CCSER1: variants seen among roughly 807,000 people sequenced by gnomAD.
The protein encoded by CCSER1 is serine-rich coiled-coil domain-containing protein 1.
In CCSER1, 41 loss-of-function variants were observed where a neutral mutation model predicts 82.0. That is an observed-to-expected ratio of 0.50 (90% CI 0.39 to 0.65). CCSER1 has a LOEUF of 0.65. Among genes scored for constraint, CCSER1 ranks in the 30% least tolerant of loss-of-function variants. The probability of loss-of-function intolerance (pLI) is 0.00; values close to 1 mark genes in which losing one functional copy is unlikely to be tolerated. For missense variants in CCSER1, 1,119 were observed against 1,064.2 expected, an observed-to-expected ratio of 1.05 and a Z score of -0.72; for synonymous variants, 414 against 383.9, an observed-to-expected ratio of 1.08 and a Z score of -0.92.
intron 10 of CCSER1, among the ~76,000 whole-genome samples, chr4:91,586,675 G>A (rs1764011990): frequency 6.6e-6 from 1 of 151,732 alleles, no homozygotes; most frequent in African/African-American, 2.4e-5. Context: ...TAGGGGTGAT[G>A]GTGAGAAACT....
chr4:90,605,751 T>C (rs1471520309), intron 5 of CCSER1, among the ~76,000 whole-genome samples: 1 of 151,884 alleles, frequency 6.6e-6, no homozygotes, highest in Non-Finnish European at 1.5e-5. Context: ...TTTTTTATAA[T>C]TTTTTTTGAC....
chr4:90,345,803 T>C (rs1742216142), intron 3 of CCSER1, among the ~76,000 whole-genome samples: 1 of 152,094 alleles, frequency 6.6e-6, no homozygotes, highest in Non-Finnish European at 1.5e-5. Context: ...CTAAACCATA[T>C]TTTAGAGTAA....
At chr4:90,499,086 A>G (rs1769444183) in intron 5 of CCSER1, among the ~76,000 whole-genome samples, 2 of 151,856 alleles carry the variant, frequency 1.3e-5, no homozygotes, top group African/African-American at 4.8e-5. Context: ...GTTATGAAAT[A>G]TATATGTGTG....
chr4:90,478,784 A>G (rs1479121373), intron 5 of CCSER1, among the ~76,000 whole-genome samples: 2 of 144,868 alleles, frequency 1.4e-5, no homozygotes, highest in African/African-American at 2.6e-5. Flanking sequence ...TGTGTTGCCC[A>G]GGCTGGAGTT....
At chr4:91,305,168 A>G (rs1744957074) in intron 10 of CCSER1, among the ~76,000 whole-genome samples, 1 of 152,072 alleles carries the variant, frequency 6.6e-6, no homozygotes, top group South Asian at 2.1e-4. Context: ...TTTTCAAGTT[A>G]TTAGATTGTT....
chr4:91,326,532 C>T (rs910971129), intron 10 of CCSER1, among the ~76,000 whole-genome samples: 8 of 152,246 alleles, frequency 5.3e-5, no homozygotes, highest in East Asian at 1.9e-4. Flanking sequence ...ATGTGATTTG[C>T]GTGGGAACAC....
chr4:90,570,344 A>G (rs1417572507), intron 5 of CCSER1, among the ~76,000 whole-genome samples: 2 of 151,876 alleles, frequency 1.3e-5, no homozygotes, highest in East Asian at 3.9e-4. Flanking sequence ...GGGTTGGGGG[A>G]CTGCAAGTTG....
intron 10 of CCSER1, among the ~76,000 whole-genome samples, chr4:91,335,004 G>GT (rs202194322): frequency 7.1e-4 from 107 of 150,422 alleles, no homozygotes; most frequent in Middle Eastern, 3.4e-3. Context: ...GCTTTTAAAT[G>GT]TTTTTTTTAA....
chr4:91,219,903 AT>A (rs1482072493), intron 10 of CCSER1, among the ~76,000 whole-genome samples: 1 of 152,190 alleles, frequency 6.6e-6, no homozygotes, highest in Non-Finnish European at 1.5e-5. Flanking sequence ...ATAGATAGAA[AT>A]TTCTATGTAG....
At chr4:90,885,278 C>G (rs1381426775) in intron 8 of CCSER1, among the ~76,000 whole-genome samples, 1 of 152,008 alleles carries the variant, frequency 6.6e-6, no homozygotes, top group African/African-American at 2.4e-5. Flanking sequence ...AAAGAGCATA[C>G]CTGCTGAAAG....
At chr4:90,557,406 T>C (rs1463919912) in intron 5 of CCSER1, among the ~76,000 whole-genome samples, 1 of 152,098 alleles carries the variant, frequency 6.6e-6, no homozygotes, top group African/African-American at 2.4e-5. Flanking sequence ...ATGTTCCTAC[T>C]AATAATTGTA....
At chr4:91,163,867 G>C (rs1297803122) in intron 10 of CCSER1, among the ~76,000 whole-genome samples, 1 of 152,044 alleles carries the variant, frequency 6.6e-6, no homozygotes, top group African/African-American at 2.4e-5. Context: ...CACACTGATG[G>C]GTCTTGACTC....
At chr4:90,420,687 A>G (rs1188196469) in intron 4 of CCSER1, among the ~76,000 whole-genome samples, 1 of 152,060 alleles carries the variant, frequency 6.6e-6, no homozygotes, top group Non-Finnish European at 1.5e-5. Flanking sequence ...AAATGTTTAT[A>G]CATCCTGACC....
At chr4:90,558,389 C>A (rs530518884) in intron 5 of CCSER1, among the ~76,000 whole-genome samples, 1 of 152,048 alleles carries the variant, frequency 6.6e-6, no homozygotes, top group East Asian at 1.9e-4. Context: ...AATGTTTTCT[C>A]TTTTAAATAT....
intron 9 of CCSER1, among the ~76,000 whole-genome samples, chr4:91,012,341 A>G (rs550356756): frequency 1.5e-5 from 2 of 133,784 alleles, no homozygotes; most frequent in East Asian, 4.9e-4. Context: ...AGCTCTGCCA[A>G]GGCACTCTTT....
chr4:91,443,201 T>G (rs1755312062), intron 10 of CCSER1, among the ~76,000 whole-genome samples: 1 of 152,078 alleles, frequency 6.6e-6, no homozygotes, highest in Admixed American at 6.6e-5. Flanking sequence ...CTATTCATAA[T>G]AGCAAAGACT....
intron 10 of CCSER1, among the ~76,000 whole-genome samples, chr4:91,547,305 A>G (rs750564809): frequency 4.6e-5 from 7 of 152,254 alleles, no homozygotes; most frequent in Admixed American, 2.0e-4. Context: ...GGATGTTACA[A>G]TCAGCTATGA....
chr4:91,226,988 A>T (rs779386242), intron 10 of CCSER1, among the ~76,000 whole-genome samples: 19 of 151,896 alleles, frequency 1.3e-4, no homozygotes, highest in Non-Finnish European at 2.7e-4. Flanking sequence ...GATTACATGA[A>T]TTGATCCACA....
At chr4:91,525,238 A>T (rs1252411719) in intron 10 of CCSER1, among the ~76,000 whole-genome samples, 1 of 152,074 alleles carries the variant, frequency 6.6e-6, no homozygotes, top group Non-Finnish European at 1.5e-5. Flanking sequence ...ATTTTTGGAG[A>T]TACAAGAAAG....
Sources: allele counts gnomAD v4.1 joint callset (sites outside exome capture counted in the v4.1 genomes callset), GRCh38; gene constraint gnomAD v4.1.1; transcripts MANE v1.5; gene names NCBI Gene and HGNC (gene_info 2026-07-23, HGNC 2026-07-21).